The following PCID2 variants were observed in gnomAD, a reference collection of about 807,000 sequenced individuals.
PCID2 encodes PCI domain containing 2, also known as PCI domain-containing protein 2.
PCID2 carries 41 observed loss-of-function variants against 61.3 expected under a neutral mutation model. The ratio of observed to expected loss-of-function variants is 0.67; its 90% CI spans 0.52 to 0.87. The LOEUF (loss-of-function observed/expected upper bound fraction) is 0.87, where lower values mean the gene tolerates loss of function less well. Ranked by LOEUF, PCID2 falls within the 40% of genes least tolerant of loss-of-function variation. PCID2 has a pLI of 0.00. For synonymous variants in PCID2, 187 were observed against 177.8 expected (o/e 1.05, Z -0.41); for missense variants, 392 against 493.4 (o/e 0.79, Z 1.95).
chr13:113,200,819 A>G (rs2039376117), intron 1 of PCID2: 1 of 271,726 alleles, frequency 3.7e-6, no homozygotes, highest in African/African-American at 2.3e-5. Flanking sequence ...TGGCTGGCTC[A>G]GGCCTGTAAT....
chr13:113,168,937 C>T, the PCID2 span, among the ~76,000 whole-genome samples: 2 of 152,112 alleles, frequency 1.3e-5, no homozygotes, highest in Middle Eastern at 3.2e-3. Flanking sequence ...CTATGTTGCT[C>T]AGGCTGGTCT....
intron 13 of PCID2, 74 bp from the exon 14 acceptor site, chr13:113,178,361 T>C (rs551216265): frequency 9.0e-7 from 1 of 1,114,734 alleles, no homozygotes; most frequent in Admixed American, 1.8e-5. Context: ...GGTGATCTAA[T>C]TAATTTGGCA....
chr13:113,191,056 A>C, intron 6 of PCID2, 81 bp from the exon 7 acceptor site: 6 of 894,412 alleles, frequency 6.7e-6, no homozygotes, highest in Non-Finnish European at 1.0e-5. Flanking sequence ...GCAGTGGCAC[A>C]ATCACACCTC....
intron 9 of PCID2, among the ~76,000 whole-genome samples, chr13:113,182,351 T>G (rs1461696727): frequency 1.3e-5 from 2 of 152,174 alleles, no homozygotes; most frequent in Non-Finnish European, 2.9e-5. Flanking sequence ...AGGAGCCCTG[T>G]GGGGCTGAGA....
chr13:113,170,000 A>G, the PCID2 span, among the ~76,000 whole-genome samples: 32,606 of 152,166 alleles, frequency 0.21, 4,182 homozygotes, highest in East Asian at 0.55. Context: ...GGGAGTCAGC[A>G]GGGCTCCAAC....
At chr13:113,170,469 A>G in the PCID2 span, 1 of 1,611,754 alleles carries the variant, frequency 6.2e-7, no homozygotes, top group East Asian at 2.2e-5. Flanking sequence ...TAATACGGGA[A>G]AATTTTGTAC....
At chr13:113,198,415 T>C in intron 2 of PCID2, 151 bp from the exon 3 acceptor site, 1 of 559,372 alleles carries the variant, frequency 1.8e-6, no homozygotes, top group East Asian at 3.1e-5. Flanking sequence ...AATAAAAGGT[T>C]CAGGCCGTGA....
intron 2 of PCID2, among the ~76,000 whole-genome samples, chr13:113,198,806 C>T (rs907231349): frequency 1.3e-5 from 2 of 152,212 alleles, no homozygotes; most frequent in Admixed American, 1.3e-4. Flanking sequence ...TCGCCTTCTG[C>T]AAGTCAGAAA....
chr13:113,187,099 G>A (rs904760615), intron 7 of PCID2: 6 of 152,272 alleles, frequency 3.9e-5, no homozygotes, highest in South Asian at 2.1e-4. Flanking sequence ...TCAAGGTCTC[G>A]TTTTCCTCAT....
Position 113,178,112 on chromosome 13 carries a change from CT to C in PCID2, c.*85del. The C allele has an allele frequency of 1.1e-6, 1 of 893,586 alleles. No individual in the cohort carries two copies. Among genetic ancestry groups the C allele is most frequent in the South Asian group, 1.6e-5 (1 of 61,556 alleles). The allele number at this position is 893,586 out of a possible 1,614,324, so 55.4% of individuals were successfully genotyped here. A position where few individuals can be genotyped will look rare whatever the true frequency, so the allele number is the denominator to read the frequency against. ...TCCAAGAGTTCCGGCTTCAGGGAGC[CT>C]TGTTGCAGTACCGGACCGGTCTCAT... On this transcript the variant is annotated 3_prime_UTR_variant, in exon 14 of 14. Transcript: ENST00000337344.
At chr13:113,193,178 G>A (rs533722252) in intron 6 of PCID2, among the ~76,000 whole-genome samples, 7 of 152,122 alleles carry the variant, frequency 4.6e-5, no homozygotes, top group East Asian at 1.9e-4. Context: ...AAGATATTAC[G>A]AAATCCATTC....
rs777852240 is a variant in PCID2 at position 113,208,627 on chromosome 13, T to C, written c.8A>G (p.His3Arg). Residue 3 changes from histidine to arginine, a missense_variant, in exon 1 of 14, where the codon CAC (histidine) becomes CGC (arginine). This residue lies in a region of PCID2 where 155 missense variants were observed against 164.9 expected (regional missense o/e 0.94). Coordinates refer to ENST00000337344, the MANE Select transcript of PCID2 (RefSeq NM_001127202.4). ...CTGCAGGTACTGGTTAATGGTAATG[T>C]GCGCCATGGGAGCGCCGCCGAACGG... MA[H>R]ITINQYLQQV... The C allele has an allele frequency of 3.7e-6, 6 of 1,607,584 alleles. No individual in the cohort carries two copies. Among genetic ancestry groups the C allele is most frequent in the East Asian group, 4.5e-5 (2 of 44,436 alleles).
intron 1 of PCID2, among the ~76,000 whole-genome samples, chr13:113,206,814 A>T (rs2039880893): frequency 6.6e-6 from 1 of 152,214 alleles, no homozygotes; most frequent in African/African-American, 2.4e-5. Context: ...GCGGAGATGT[A>T]GGCATGCACA....
At chr13:113,171,875 G>T in the PCID2 span, 1 of 1,613,740 alleles carries the variant, frequency 6.2e-7, no homozygotes, top group Non-Finnish European at 8.5e-7. This position sits in a 1 kb window ranked among gnomAD's most constrained non-coding sequence, Gnocchi z 5.1. Context: ...TGTGGAGGGG[G>T]AGGAGTGCGG....
intron 1 of PCID2, 179 bp from the exon 2 acceptor site, chr13:113,200,695 TC>T (rs756384870): frequency 4.5e-5 from 18 of 400,102 alleles, no homozygotes; most frequent in East Asian, 9.4e-5. Flanking sequence ...AACAATAATT[TC>T]TTTTTTTTTT....
chr13:113,168,591 C>CAG, the PCID2 span, among the ~76,000 whole-genome samples: 4 of 152,198 alleles, frequency 2.6e-5, no homozygotes, highest in Non-Finnish European at 5.9e-5. Flanking sequence ...TTAATTTTAA[C>CAG]TTTCTAAGAT....
chr13:113,166,461 C>A, the PCID2 span: 1 of 152,126 alleles, frequency 6.6e-6, no homozygotes. Flanking sequence ...CTGTGTGTGA[C>A]ACCCGTCAGT....
At chr13:113,205,966 G>A (rs1021333834) in intron 1 of PCID2, among the ~76,000 whole-genome samples, 4 of 152,174 alleles carry the variant, frequency 2.6e-5, no homozygotes, top group African/African-American at 7.2e-5. Flanking sequence ...TGAGTACTTC[G>A]GTGGGGCAAT....
At position 113,180,062 on chromosome 13, in the gene PCID2, G is replaced by A. The variant is rs778756764; in HGVS notation, c.861-20C>T. The A allele has an allele frequency of 8.1e-6, 13 of 1,613,516 alleles. No individual in the cohort carries two copies. The highest frequency in any genetic ancestry group is 3.3e-5 in the Admixed American group (2 of 59,988). ...CCCTCGCTGGTGAGGGGGGAGGCGC[G>A]TCAGAAGGAGGGTGAGTTTCTCACA... On this transcript the variant is annotated intron_variant, in intron 11 of 13. Coordinates refer to ENST00000337344, the MANE Select transcript of PCID2 (RefSeq NM_001127202.4).
Sources: gnomAD v4.1 joint callset for allele counts (sites outside exome capture counted in the v4.1 genomes callset) on GRCh38, gnomAD v4.1.1 for gene constraint, gnomAD v4.1.1 regional missense constraint, Gnocchi (gnomAD v3.1) non-coding constraint, MANE v1.5 for transcripts, NCBI Gene and HGNC (gene_info 2026-07-23, HGNC 2026-07-21) for gene names.